Variants in BNC2 observed in about 807,000 individuals in gnomAD.
The protein encoded by BNC2 is zinc finger protein basonuclin-2.
In BNC2, 20 loss-of-function variants were observed where a neutral mutation model predicts 76.3. That is an observed-to-expected ratio of 0.26 (90% CI 0.18 to 0.38). BNC2 has a LOEUF of 0.38. BNC2 is among the 10% of genes least tolerant of loss of function. The pLI is 1.00. For missense variants in BNC2, 1,382 were observed against 1,399.8 expected (o/e 0.99, Z 0.20); for synonymous variants, 582 against 514.8 (o/e 1.13, Z -1.77).
intron 4 of BNC2, among the ~76,000 whole-genome samples, chr9:16,582,235 T>C (rs1819646609): frequency 6.6e-6 from 1 of 152,138 alleles, no homozygotes; most frequent in African/African-American, 2.4e-5. Context: ...CGTCTGCTTA[T>C]TTCCAAGTCT....
At chr9:16,419,753 T>G in intron 6 of BNC2, 104 bp from the exon 7 acceptor site, 1 of 767,530 alleles carries the variant, frequency 1.3e-6, no homozygotes, top group Non-Finnish European at 2.3e-6. Context: ...AGGTATCAAA[T>G]AAGCACATTC....
chr9:16,679,840 C>A (rs1333322824), intron 3 of BNC2, among the ~76,000 whole-genome samples: 1 of 152,236 alleles, frequency 6.6e-6, no homozygotes, highest in Non-Finnish European at 1.5e-5. Flanking sequence ...GAGTTCCTAA[C>A]CTTGTTGTTT....
chr9:16,461,346 T>C (rs1375622062), intron 5 of BNC2, among the ~76,000 whole-genome samples: 14 of 152,192 alleles, frequency 9.2e-5, no homozygotes, highest in Admixed American at 9.2e-4. Context: ...AGGAATCTGT[T>C]TCTGCTTCTC....
intron 1 of BNC2, among the ~76,000 whole-genome samples, chr9:16,779,013 T>A (rs1425611947): frequency 6.6e-6 from 1 of 150,558 alleles, no homozygotes; most frequent in Non-Finnish European, 1.5e-5. Context: ...GATGTCAGAC[T>A]CCTGCCTGTA....
chr9:16,490,564 A>G (rs1196921611), intron 5 of BNC2, among the ~76,000 whole-genome samples: 5 of 152,102 alleles, frequency 3.3e-5, no homozygotes, highest in Admixed American at 1.3e-4. Flanking sequence ...TCAGACGTCT[A>G]TGTATCTGTG....
At chr9:16,850,808 A>AC (rs1819109796) in intron 1 of BNC2, among the ~76,000 whole-genome samples, 1 of 73,928 alleles carries the variant, frequency 1.4e-5, no homozygotes, top group African/African-American at 5.0e-5. Context: ...TAAAAAGTAA[A>AC]TAAAAAAAAA....
At chr9:16,694,547 C>G (rs1823278416) in intron 3 of BNC2, among the ~76,000 whole-genome samples, 2 of 152,290 alleles carry the variant, frequency 1.3e-5, no homozygotes, top group South Asian at 2.1e-4. Context: ...ATGGTACCAA[C>G]AGACCAGAGG....
chr9:16,843,949 T>C (rs1818897937), intron 1 of BNC2, among the ~76,000 whole-genome samples: 1 of 152,266 alleles, frequency 6.6e-6, no homozygotes, highest in Admixed American at 6.5e-5. Flanking sequence ...CAAATTCTGG[T>C]TTTTACTCTT....
chr9:16,700,035 T>C (rs1199130966), intron 3 of BNC2, among the ~76,000 whole-genome samples: 1 of 152,232 alleles, frequency 6.6e-6, no homozygotes, highest in Non-Finnish European at 1.5e-5. Flanking sequence ...TCTCCATCCT[T>C]ATGTTTACAC....
chr9:16,508,471 T>G (rs915445642), intron 5 of BNC2, among the ~76,000 whole-genome samples: 2 of 152,212 alleles, frequency 1.3e-5, no homozygotes, highest in African/African-American at 2.4e-5. Context: ...GTTGATTCTC[T>G]CCCTACAAGA....
intron 5 of BNC2, among the ~76,000 whole-genome samples, chr9:16,468,565 T>C (rs558363768): frequency 1.3e-5 from 2 of 151,946 alleles, no homozygotes; most frequent in Non-Finnish European, 2.9e-5. Flanking sequence ...CTGGCTACTT[T>C]TTGTATTTTT....
chr9:16,679,307 A>C (rs10810587), intron 3 of BNC2, among the ~76,000 whole-genome samples: 20,732 of 152,232 alleles, frequency 0.14, 1,922 homozygotes, highest in South Asian at 0.23. Context: ...AAATTCATTA[A>C]ATAATATACC....
intron 1 of BNC2, among the ~76,000 whole-genome samples, chr9:16,748,922 CTATATATATATATATA>C: frequency 7.7e-6 from 1 of 130,566 alleles, no homozygotes; most frequent in African/African-American, 3.1e-5. Context: ...ACTTTTTATA[CTATATATATATATATA>C]TATATATATA....
intron 3 of BNC2, among the ~76,000 whole-genome samples, chr9:16,632,045 G>A (rs528112675): frequency 6.6e-6 from 1 of 152,242 alleles, no homozygotes; most frequent in Middle Eastern, 3.4e-3. Context: ...GTAAGGGGCA[G>A]GTCCAATCAT....
At chr9:16,569,008 T>TA (rs1432515013) in intron 4 of BNC2, among the ~76,000 whole-genome samples, 2 of 151,708 alleles carry the variant, frequency 1.3e-5, no homozygotes, top group African/African-American at 4.8e-5. Context: ...CTAGAGTTTT[T>TA]TTTTTTTTTT....
chr9:16,690,612 G>GACTC (rs1823130308), intron 3 of BNC2, among the ~76,000 whole-genome samples: 5 of 152,162 alleles, frequency 3.3e-5, no homozygotes, highest in Admixed American at 1.3e-4. Flanking sequence ...CATTGTTATA[G>GACTC]AGTCAGATAA....
intron 1 of BNC2, among the ~76,000 whole-genome samples, chr9:16,859,859 G>A (rs559380284): frequency 3.9e-5 from 6 of 152,368 alleles, no homozygotes; most frequent in Non-Finnish European, 8.8e-5. Flanking sequence ...GGCGGCTCAC[G>A]CCTGTTATCC....
intron 1 of BNC2, among the ~76,000 whole-genome samples, chr9:16,791,945 T>C (rs1018955711): frequency 2.6e-5 from 4 of 151,760 alleles, no homozygotes; most frequent in South Asian, 2.1e-4. Context: ...TCTATCAAAA[T>C]ACAAAAATTA....
intron 3 of BNC2, among the ~76,000 whole-genome samples, chr9:16,612,030 A>G (rs1207284693): frequency 2.3e-5 from 3 of 128,540 alleles, no homozygotes; most frequent in African/African-American, 1.1e-4. Context: ...TGTAAGAGGT[A>G]GAAGAGAGAA....
Sources: allele counts gnomAD v4.1 joint callset (sites outside exome capture counted in the v4.1 genomes callset), GRCh38; gene constraint gnomAD v4.1.1; transcripts MANE v1.5; gene names NCBI Gene and HGNC (gene_info 2026-07-23, HGNC 2026-07-21).